The following TEAD2 variants were observed in gnomAD, a reference collection of about 807,000 sequenced individuals.
TEAD2 encodes transcriptional enhancer factor TEF-4.
In TEAD2, 51 loss-of-function variants were observed where a neutral mutation model predicts 61.4. The observed-to-expected ratio is 0.83, with a 90% CI of 0.66 to 1.05. The LOEUF is 1.05. Among genes scored for constraint, TEAD2 ranks in the 50% least tolerant of loss-of-function variants. TEAD2 has a pLI of 0.00. For synonymous variants in TEAD2, 244 were observed against 243.2 expected, an observed-to-expected ratio of 1.00 and a Z score of -0.03; for missense variants, 509 against 600.0, an observed-to-expected ratio of 0.85 and a Z score of 1.58.
rs755667698 is a variant in TEAD2 at position 49,341,352 on chromosome 19, TGCTGG to T, written c.1323_1327del (p.Gln442SerfsTer42). The T allele has an allele frequency of 1.9e-6, 3 of 1,614,012 alleles. No homozygotes were observed. In the South Asian group the frequency reaches 3.3e-5, roughly 18 times the overall value. On this transcript the variant is annotated frameshift_variant, in exon 13 of 13. Transcript: ENST00000593945. LOFTEE classifies it high-confidence loss of function. This position sits in a 1 kb window ranked among gnomAD's most constrained non-coding sequence, Gnocchi z 4.2. ...GTCCCTGACCAGGCGGTAAATGTGATGCTGGGCCCCACGCTCGCTGGTGGAGACCT... is the reference window on the plus strand; with the variant it reads ...GTCCCTGACCAGGCGGTAAATGTGATGCCCCACGCTCGCTGGTGGAGACCT...
intron 7 of TEAD2, among the ~76,000 whole-genome samples, chr19:49,353,104 T>C (rs895593788): frequency 1.3e-5 from 2 of 151,380 alleles, no homozygotes; most frequent in African/African-American, 2.4e-5. Flanking sequence ...CCCATTCTTT[T>C]TTTTTTTCCT....
rs758426400 is a variant in TEAD2, at chr19:49,359,522, G to GAGTT, written c.233-27_233-24dup. 3 of 1,613,176 alleles carry GAGTT rather than the reference G, an allele frequency of 1.9e-6. No individual in the cohort carries two copies. In the East Asian group the frequency reaches 6.7e-5, roughly 36 times the overall value. ...GACCTGAAGATTCAAAGACGGAACA[G>GAGTT]AGTTAGTTAGACTTTCAACAGAACT... On this transcript the variant is annotated intron_variant, in intron 2 of 12. Coordinates refer to ENST00000593945, the MANE Select transcript of TEAD2 (RefSeq NM_001256660.2). The surrounding 1 kb of genome is among the most constrained non-coding windows in gnomAD (Gnocchi z 4.1).
intron 5 of TEAD2, among the ~76,000 whole-genome samples, 158 bp from the exon 6 acceptor site, chr19:49,355,577 A>T (rs549446586): frequency 6.6e-6 from 1 of 152,318 alleles, no homozygotes. Context: ...CTGTAATCCC[A>T]GCACTCTGGG....
At chr19:49,348,956 C>G (rs1971828869) in intron 8 of TEAD2, 111 bp from the exon 9 acceptor site, 3 of 1,364,470 alleles carry the variant, frequency 2.2e-6, no homozygotes, top group Non-Finnish European at 2.9e-6. Context: ...TAAATACTCA[C>G]TTTCCCAGCC....
intron 1 of TEAD2, chr19:49,360,293 G>A (rs1972752739): frequency 3.4e-6 from 2 of 589,088 alleles, no homozygotes; most frequent in East Asian, 5.6e-5. Flanking sequence ...GGGAGGAGGG[G>A]CTGGGGCCCG....
chr19:49,350,946 C>T (rs369540018), intron 8 of TEAD2, among the ~76,000 whole-genome samples: 1 of 151,870 alleles, frequency 6.6e-6, no homozygotes, highest in Non-Finnish European at 1.5e-5. Flanking sequence ...TTTGGAAAGC[C>T]GAGGCAGGCG....
Position 49,351,245 on chromosome 19 carries a change from A to C in TEAD2, c.604+56T>G, listed in dbSNP as rs1041230405. 53 of 1,516,332 alleles carry C rather than the reference A, an allele frequency of 3.5e-5. No individual in the cohort carries two copies. In the Admixed American group the frequency reaches 9.8e-4, roughly 28 times the overall value. 93.9% of individuals were successfully genotyped at this position (1,516,332 alleles called of 1,614,324 possible). A position where few individuals can be genotyped will look rare whatever the true frequency, so the allele number is the denominator to read the frequency against. On this transcript the variant is annotated intron_variant, in intron 8 of 12. Coordinates refer to ENST00000593945, the MANE Select transcript of TEAD2 (RefSeq NM_001256660.2). ...ATTGATGGAAGGTTGAAGGAAAGGC[A>C]GTAGGGGTCGAAGAGAGAGAGGGGA...
At chr19:49,348,932 G>C (rs1971827622) in intron 8 of TEAD2, 87 bp from the exon 9 acceptor site, 1 of 1,417,628 alleles carries the variant, frequency 7.1e-7, no homozygotes, top group Non-Finnish European at 9.2e-7. Flanking sequence ...CCTCCACTTA[G>C]AAGCTGAAAA....
chr19:49,358,350 G>GGCTGCAGTGAGCTGAGATCACGGC (rs1972544330), intron 3 of TEAD2, among the ~76,000 whole-genome samples: 1 of 152,190 alleles, frequency 6.6e-6, no homozygotes, highest in Non-Finnish European at 1.5e-5. Context: ...GGAAGGCGGA[G>GGCTGCAGTGAGCTGAGATCACGGC]GCTGCAGTGA....
In TEAD2 at chr19:49,342,551, G is replaced by A. The variant is rs746687889; in HGVS notation, c.1129C>T (p.Arg377Cys). The change falls in exon 12 of 13, where the codon CGC (arginine) becomes TGC (cysteine). Residue 377 changes from arginine (R) to cysteine (C), a missense_variant. Arg to Cys is a radical substitution (Grantham distance 180). Transcript: ENST00000593945. ...TCGCACATGGGCGAGCGCAGCAGGC[G>A]GTACACAAATCTGCCGTCCTCCAGC... ...AQLEDGRFVY[R>C]LLRSPMCEYL... 19 of 1,613,852 alleles carry A rather than the reference G, an allele frequency of 1.2e-5. No individual in the cohort carries two copies. The highest frequency in any genetic ancestry group is 4.0e-5 in the African/African-American group (3 of 74,914).
rs147399882 is a variant in TEAD2, at chr19:49,348,757, C to T, written c.693G>A (p.Arg231=). ...AGGCTGAGAACTCTACCAGCTGCAA[C>T]CGGGCGGTGCCCAGGCCCCGAGCCT... The part of the protein sequence containing the change: ...AWQARGLGTA[R]LQLVEFSAFV... Residue 231 remains arginine (R), a synonymous_variant, in exon 9 of 13, where the codon CGG becomes CGA. Coordinates refer to ENST00000593945, the MANE Select transcript of TEAD2 (RefSeq NM_001256660.2). 1.8e-4 allele frequency: 293 copies of T among 1,613,998 alleles called. 3 individuals carry two copies. In the Middle Eastern group the frequency reaches 7.9e-3, roughly 44 times the overall value.
rs1334889467 is a variant in TEAD2, at chr19:49,355,189, CTGGAAA to C, written c.492_497del (p.Gln166_Phe167del). On this transcript the variant is annotated inframe_deletion, in exon 7 of 13. Coordinates refer to ENST00000593945, the MANE Select transcript of TEAD2 (RefSeq NM_001256660.2). ...GGGGCCCAGATCCTCCAGACCAAAA[CTGGAAA>C]AGCTCAGAGGCCTGGATAGGACACA... The C allele has an allele frequency of 6.2e-7, 1 of 1,612,746 alleles. No individual in the cohort carries two copies. Among genetic ancestry groups the C allele is most frequent in the East Asian group, 2.2e-5 (1 of 44,826 alleles).
chr19:49,352,877 T>C (rs1466709529), intron 7 of TEAD2, among the ~76,000 whole-genome samples: 1 of 151,948 alleles, frequency 6.6e-6, no homozygotes, highest in Non-Finnish European at 1.5e-5. Flanking sequence ...ATGTTTATTG[T>C]CTGTCTCCTC....
intron 7 of TEAD2, among the ~76,000 whole-genome samples, chr19:49,353,600 G>A (rs886133011): frequency 2.6e-5 from 4 of 151,974 alleles, no homozygotes; most frequent in African/African-American, 7.3e-5. Context: ...CTCCATGAAA[G>A]CGGAAACCCC....
chr19:49,355,859 G>C, intron 5 of TEAD2, 100 bp downstream of exon 5: 2 of 1,126,526 alleles, frequency 1.8e-6, no homozygotes, highest in African/African-American at 1.6e-5. Context: ...GCTTGGGTTG[G>C]GGGAGGGTTG....
chr19:49,341,686 T>G lies in TEAD2; in HGVS notation c.1243-249A>C, dbSNP rs116729919. Among the ~76,000 whole-genome samples, 1,601 of 152,208 alleles carry G rather than the reference T, an allele frequency of 0.011. 28 individuals are homozygous for G. The highest frequency in any genetic ancestry group is 0.036 in the African/African-American group (1,514 of 41,530). On this transcript the variant is annotated intron_variant, in intron 12 of 12. Coordinates refer to ENST00000593945, the MANE Select transcript of TEAD2 (RefSeq NM_001256660.2). This position sits in a 1 kb window ranked among gnomAD's most constrained non-coding sequence, Gnocchi z 4.2. Reference sequence around the variant, plus strand: ...CATCTCAGGGTTAATCGGGTTCCCATCACATCACATTCCCTGGGTAAAAGG... The same window carrying G: ...CATCTCAGGGTTAATCGGGTTCCCAGCACATCACATTCCCTGGGTAAAAGG...
rs759317095 is a variant in TEAD2, at chr19:49,355,186, A to C, written c.501T>G (p.Phe167Leu). 2.5e-6 allele frequency: 4 copies of C among 1,612,796 alleles called. No individual in the cohort carries two copies. In the South Asian group the frequency reaches 4.4e-5, roughly 18 times the overall value. Residue 167 changes from phenylalanine (F) to leucine (L), a missense_variant, in exon 7 of 13, where the codon TTT (phenylalanine) becomes TTG (leucine). Transcript: ENST00000593945. ...AGGGGGGCCCAGATCCTCCAGACCA[A>C]AACTGGAAAAGCTCAGAGGCCTGGA... ...TGPQASELFQ[F>L]WSGGSGPPWN... is the part of the protein sequence containing the mutation.
At position 49,340,649 on chromosome 19, in the gene TEAD2, A is replaced by G; in HGVS notation, c.*675T>C. On this transcript the variant is annotated 3_prime_UTR_variant, in exon 13 of 13. Coordinates refer to ENST00000593945, the MANE Select transcript of TEAD2 (RefSeq NM_001256660.2). ...AGAACACAAACAAACAAACTTTGAG[A>G]GGGGAGGAAGGAAACCGTCTAGCTC... 1 of 495,608 alleles carries G rather than the reference A, an allele frequency of 2.0e-6. No individual in the cohort carries two copies. The highest frequency in any genetic ancestry group is 2.1e-5 in the South Asian group (1 of 48,034). The allele number at this position is 495,608 out of a possible 1,614,324, so 30.7% of individuals were successfully genotyped here. A position where few individuals can be genotyped will look rare whatever the true frequency, so the allele number is the denominator to read the frequency against.
intron 3 of TEAD2, among the ~76,000 whole-genome samples, chr19:49,358,166 G>A (rs1279393719): frequency 2.0e-5 from 3 of 152,178 alleles, no homozygotes; most frequent in African/African-American, 7.2e-5. Flanking sequence ...CCCGGGAGGC[G>A]GGGCTTCCAG....
Sources: gnomAD v4.1 joint callset for allele counts (sites outside exome capture counted in the v4.1 genomes callset) on GRCh38, gnomAD v4.1.1 for gene constraint, Gnocchi (gnomAD v3.1) non-coding constraint, MANE v1.5 for transcripts, NCBI Gene and HGNC (gene_info 2026-07-23, HGNC 2026-07-21) for gene names.